The following NRCAM variants were observed in gnomAD, a reference collection of about 807,000 sequenced individuals.
NRCAM encodes the protein neuronal cell adhesion molecule.
Under a neutral mutation model 156.5 loss-of-function variants are expected in NRCAM, and 83 were observed. That is an observed-to-expected ratio of 0.53 (90% CI 0.44 to 0.64). The LOEUF is 0.64. NRCAM is among the 30% of genes least tolerant of loss of function. The pLI, the probability that NRCAM is intolerant of heterozygous loss-of-function variation, is 0.00. For missense variants in NRCAM, 1,417 were observed against 1,597.3 expected, an observed-to-expected ratio of 0.89 and a Z score of 1.92; for synonymous variants, 538 against 563.9, an observed-to-expected ratio of 0.95 and a Z score of 0.65.
chr7:108,188,353 C>T (rs560399871), intron 20 of NRCAM, among the ~76,000 whole-genome samples: 4 of 151,020 alleles, frequency 2.6e-5, no homozygotes, highest in East Asian at 3.9e-4. Context: ...ACAGCAGGTT[C>T]GCCCTTGAAG....
chr7:108,429,069 A>T (rs954441158), intron 1 of NRCAM, among the ~76,000 whole-genome samples: 1 of 152,160 alleles, frequency 6.6e-6, no homozygotes, highest in African/African-American at 2.4e-5. Context: ...TGAAATATAC[A>T]TTATGTTCTA....
chr7:108,192,104 G>T (rs1364655599), intron 17 of NRCAM, among the ~76,000 whole-genome samples: 1 of 152,164 alleles, frequency 6.6e-6, no homozygotes, highest in Non-Finnish European at 1.5e-5. Flanking sequence ...CTAGAGCACG[G>T]GTCCCCAAAC....
At chr7:108,170,272 T>C (rs1306139255) in intron 28 of NRCAM, among the ~76,000 whole-genome samples, 2 of 152,152 alleles carry the variant, frequency 1.3e-5, no homozygotes, top group African/African-American at 2.4e-5. Flanking sequence ...GAGGATACTA[T>C]GCTAAGTAAA....
At chr7:108,307,775 C>T (rs1438038864) in intron 3 of NRCAM, among the ~76,000 whole-genome samples, 1 of 152,132 alleles carries the variant, frequency 6.6e-6, no homozygotes, top group Non-Finnish European at 1.5e-5. Context: ...TGGCCTCCTG[C>T]TCCACACTGG....
intron 1 of NRCAM, among the ~76,000 whole-genome samples, chr7:108,401,772 G>C (rs779486114): frequency 6.6e-6 from 1 of 152,060 alleles, no homozygotes; most frequent in Non-Finnish European, 1.5e-5. Flanking sequence ...TCTCTCTCCC[G>C]ACCATGCGTT....
At chr7:108,276,550 T>C (rs1370104883) in intron 3 of NRCAM, among the ~76,000 whole-genome samples, 1 of 151,880 alleles carries the variant, frequency 6.6e-6, no homozygotes, top group African/African-American at 2.4e-5. Context: ...AGACTAAGAT[T>C]GTAACTCCTG....
At chr7:108,379,989 T>G (rs1247665970) in intron 2 of NRCAM, among the ~76,000 whole-genome samples, 2 of 152,196 alleles carry the variant, frequency 1.3e-5, no homozygotes, top group Non-Finnish European at 2.9e-5. Flanking sequence ...TTGAATTCAC[T>G]GATGTAGGAA....
In NRCAM at chr7:108,446,822, G is replaced by A. The variant is rs540310007; in HGVS notation, c.-332+9421C>T. On this transcript the variant is annotated intron_variant, in intron 1 of 32. Transcript: ENST00000379028. ...AGCTCACTGCAACCTTCGCCTCCTG[G>A]GTTGAGGTGATTCTCCTGCCTCAGC... 4.6e-5 allele frequency among the ~76,000 whole-genome samples: 7 copies of A among 150,972 alleles called. No individual in the cohort carries two copies. In the South Asian group the frequency reaches 1.0e-3, roughly 23 times the overall value.
At chr7:108,172,104 T>C (rs1437402350) in intron 28 of NRCAM, among the ~76,000 whole-genome samples, 1 of 152,152 alleles carries the variant, frequency 6.6e-6, no homozygotes, top group African/African-American at 2.4e-5. Context: ...AATTACCCTA[T>C]AAAAGTATTT....
intron 2 of NRCAM, among the ~76,000 whole-genome samples, chr7:108,317,419 G>T (rs1333608745): frequency 3.3e-5 from 5 of 152,208 alleles, no homozygotes; most frequent in African/African-American, 1.2e-4. Flanking sequence ...AGTAGAAACA[G>T]CTAAAGTAAT....
rs1563391628 is a variant in NRCAM, at chr7:108,198,068, A to G, written c.1239T>C (p.Asp413=). The G allele has an allele frequency of 6.8e-6, 11 of 1,607,754 alleles. No homozygotes were observed. The highest frequency in any genetic ancestry group is 9.3e-6 in the Non-Finnish European group (11 of 1,177,452). Residue 413 remains aspartate, a synonymous_variant, in exon 14 of 33, where the codon GAT becomes GAC. Coordinates refer to ENST00000379028, the MANE Select transcript of NRCAM (RefSeq NM_001037132.4). ...CATTTGAAAAAATAATGGTATCGCC[A>G]TCTATTTTTCTGCTGGGGTCATCAG... is the stretch of plus-strand genomic sequence containing the variant. ...IAPDDPSRKI[D]GDTIIFSNVQ... is the part of the protein sequence containing the mutation.
intron 2 of NRCAM, among the ~76,000 whole-genome samples, chr7:108,313,622 T>C (rs1445295211): frequency 6.6e-6 from 1 of 152,194 alleles, no homozygotes; most frequent in African/African-American, 2.4e-5. Context: ...GTATGTGTTA[T>C]AAAATATTCC....
At chr7:108,346,899 A>G (rs1378618169) in intron 2 of NRCAM, among the ~76,000 whole-genome samples, 1 of 139,050 alleles carries the variant, frequency 7.2e-6, no homozygotes, top group African/African-American at 2.5e-5. Flanking sequence ...AATATTCATC[A>G]TATGTTTAAC....
chr7:108,232,413 C>T lies in NRCAM; in HGVS notation c.340G>A (p.Ala114Thr). The T allele has an allele frequency of 6.2e-7, 1 of 1,613,838 alleles. No individual in the cohort carries two copies. Among genetic ancestry groups the T allele is most frequent in the Non-Finnish European group, 8.5e-7 (1 of 1,179,816 alleles). ...LIINIMSEGK[A>T]ETYEGVYQCT... ...TGATAGACTCCTTCATAGGTCTCAGCTTTCCCTTCGCTCATGATGTTAATT... is the reference window on the plus strand; with the variant it reads ...TGATAGACTCCTTCATAGGTCTCAGTTTTCCCTTCGCTCATGATGTTAATT... The change falls in exon 7 of 33, where the codon GCT (alanine) becomes ACT (threonine). Residue 114 changes from alanine to threonine, a missense_variant. By Grantham distance (58) the Ala-to-Thr change is moderately conservative. Transcript: ENST00000379028.
intron 32 of NRCAM, among the ~76,000 whole-genome samples, chr7:108,153,447 G>T (rs2042956065): frequency 6.6e-6 from 1 of 151,958 alleles, no homozygotes; most frequent in South Asian, 2.1e-4. Context: ...CTAACATTAG[G>T]AATAGAATGT....
chr7:108,228,158 C>T (rs2193252), intron 8 of NRCAM, among the ~76,000 whole-genome samples: 45,268 of 151,906 alleles, frequency 0.3, 7,244 homozygotes, highest in African/African-American at 0.41. Flanking sequence ...CCTGTCTCTA[C>T]TAAAAATACG....
intron 2 of NRCAM, among the ~76,000 whole-genome samples, chr7:108,346,448 TTC>T (rs1206169855): frequency 6.6e-6 from 1 of 152,228 alleles, no homozygotes; most frequent in East Asian, 1.9e-4. Flanking sequence ...GTATAGGCTA[TTC>T]TGTCATCATG....
chr7:108,456,185 A>C (rs1232483368), intron 1 of NRCAM, 58 bp downstream of exon 1: 1 of 152,066 alleles, frequency 6.6e-6, no homozygotes, highest in Non-Finnish European at 1.5e-5. Flanking sequence ...CCTCCGCTCC[A>C]GCCGTCACCC....
At chr7:108,266,743 C>A (rs76115407) in intron 3 of NRCAM, among the ~76,000 whole-genome samples, 83 of 152,314 alleles carry the variant, frequency 5.4e-4, no homozygotes, top group African/African-American at 1.9e-3. Flanking sequence ...ATGAACAGGT[C>A]TCCTGCCATC....
Sources: gnomAD v4.1 joint callset for allele counts (sites outside exome capture counted in the v4.1 genomes callset) on GRCh38, gnomAD v4.1.1 for gene constraint, MANE v1.5 for transcripts, NCBI Gene and HGNC (gene_info 2026-07-23, HGNC 2026-07-21) for gene names.